The following STARD13 variants were observed in gnomAD, a reference collection of about 807,000 sequenced individuals.
STARD13 encodes StAR related lipid transfer domain containing 13.
STARD13 carries 62 observed loss-of-function variants against 106.4 expected under a neutral mutation model. The ratio of observed to expected loss-of-function variants is 0.58; its 90% CI spans 0.48 to 0.72. STARD13 has a LOEUF of 0.72. Ranked by LOEUF, STARD13 falls within the 30% of genes least tolerant of loss-of-function variation. STARD13 has a pLI of 0.00. For synonymous variants in STARD13, 565 were observed against 553.0 expected (o/e 1.02, Z -0.31); for missense variants, 1,387 against 1,424.0 (o/e 0.97, Z 0.42).
chr13:33,457,743 T>C, the STARD13 span, among the ~76,000 whole-genome samples: 2 of 152,322 alleles, frequency 1.3e-5, no homozygotes, highest in Non-Finnish European at 2.9e-5. Context: ...AGGGATCTTT[T>C]TGGGGCCTCT....
the STARD13 span, among the ~76,000 whole-genome samples, chr13:33,394,907 G>C: frequency 6.6e-6 from 1 of 152,234 alleles, no homozygotes; most frequent in Non-Finnish European, 1.5e-5. Context: ...AGTGATTTCA[G>C]AGTGATAGAG....
At chr13:33,140,817 G>A (rs1879723916) in intron 4 of STARD13, among the ~76,000 whole-genome samples, 1 of 149,128 alleles carries the variant, frequency 6.7e-6, no homozygotes, top group East Asian at 2.0e-4. Context: ...GGAGTGCAGT[G>A]GCACAATCTC....
At chr13:33,585,035 T>C in the STARD13 span, among the ~76,000 whole-genome samples, 1 of 152,186 alleles carries the variant, frequency 6.6e-6, no homozygotes, top group Admixed American at 6.5e-5. Flanking sequence ...CTTCATAATT[T>C]ATAAATTATC....
At chr13:33,519,583 C>T in the STARD13 span, among the ~76,000 whole-genome samples, 1 of 151,952 alleles carries the variant, frequency 6.6e-6, no homozygotes, top group Admixed American at 6.6e-5. Context: ...CAATCTCTTC[C>T]CCACTGCAAA....
At chr13:33,399,849 T>A in the STARD13 span, among the ~76,000 whole-genome samples, 31 of 152,106 alleles carry the variant, frequency 2.0e-4, no homozygotes, top group African/African-American at 7.2e-4. Flanking sequence ...GGTCAGTGAT[T>A]GCCTAGGGCT....
chr13:33,356,218 T>C, the STARD13 span, among the ~76,000 whole-genome samples: 2 of 152,236 alleles, frequency 1.3e-5, no homozygotes, highest in Admixed American at 6.5e-5. Context: ...TGACATCACT[T>C]GTGCTATCCT....
At chr13:33,642,677 A>T in the STARD13 span, among the ~76,000 whole-genome samples, 1 of 152,148 alleles carries the variant, frequency 6.6e-6, no homozygotes, top group Non-Finnish European at 1.5e-5. Context: ...GCCCTGAGTC[A>T]CACAGTCAGT....
chr13:33,305,130 G>A (rs1051401298), intron 1 of STARD13, among the ~76,000 whole-genome samples: 2 of 152,200 alleles, frequency 1.3e-5, no homozygotes, highest in African/African-American at 2.4e-5. Flanking sequence ...GGCTTCAAGT[G>A]ATCTTCTTGC....
At chr13:33,308,706 T>A (rs1315588073) in intron 1 of STARD13, among the ~76,000 whole-genome samples, 2 of 152,084 alleles carry the variant, frequency 1.3e-5, no homozygotes. Flanking sequence ...GTGTTTTTAG[T>A]AGAGACAACG....
the STARD13 span, among the ~76,000 whole-genome samples, chr13:33,363,720 C>T: frequency 6.6e-6 from 1 of 152,174 alleles, no homozygotes; most frequent in Non-Finnish European, 1.5e-5. Flanking sequence ...CACAAAGTAA[C>T]AGTTTTATTC....
intron 4 of STARD13, among the ~76,000 whole-genome samples, chr13:33,133,431 A>C (rs1164647378): frequency 6.6e-6 from 1 of 152,118 alleles, no homozygotes; most frequent in Non-Finnish European, 1.5e-5. Flanking sequence ...AAACAAACAA[A>C]AACCAAAGCA....
At chr13:33,143,396 G>T (rs1880103740) in intron 3 of STARD13, among the ~76,000 whole-genome samples, 1 of 149,796 alleles carries the variant, frequency 6.7e-6, no homozygotes, top group Admixed American at 6.7e-5. Flanking sequence ...TTTTTTGAGT[G>T]ACTGTTTTTT....
At chr13:33,439,693 A>C in the STARD13 span, 1 of 1,268,548 alleles carries the variant, frequency 7.9e-7, no homozygotes, top group Non-Finnish European at 1.0e-6. Context: ...AGACTTACCC[A>C]CTCTTTCTTT....
chr13:33,301,320 A>C (rs1463847104), intron 1 of STARD13, among the ~76,000 whole-genome samples: 2 of 152,224 alleles, frequency 1.3e-5, no homozygotes, highest in Non-Finnish European at 2.9e-5. Context: ...CATGAGGACC[A>C]GTGCCCTGAT....
At chr13:33,158,578 A>C (rs1447131118) in intron 3 of STARD13, 1 of 152,270 alleles carries the variant, frequency 6.6e-6, no homozygotes, top group Non-Finnish European at 1.5e-5. Context: ...ACAAAGCTTT[A>C]AAAATAAAAC....
At chr13:33,202,697 A>G (rs913492550) in intron 1 of STARD13, among the ~76,000 whole-genome samples, 13 of 152,242 alleles carry the variant, frequency 8.5e-5, no homozygotes, top group African/African-American at 3.1e-4. Context: ...TGCTTAAGGT[A>G]GCTTTGGAGG....
At chr13:33,477,661 T>C in the STARD13 span, among the ~76,000 whole-genome samples, 4 of 152,122 alleles carry the variant, frequency 2.6e-5, no homozygotes. Context: ...GAATTACAGG[T>C]GTCACATTTT....
At chr13:33,256,285 G>T (rs1260727746) in intron 1 of STARD13, among the ~76,000 whole-genome samples, 6 of 152,158 alleles carry the variant, frequency 3.9e-5, no homozygotes, top group African/African-American at 1.4e-4. Flanking sequence ...ACCCTCACTG[G>T]CTCGGCCTTC....
chr13:33,241,274 A>G (rs1484588041), intron 1 of STARD13, among the ~76,000 whole-genome samples: 1 of 152,194 alleles, frequency 6.6e-6, no homozygotes, highest in Non-Finnish European at 1.5e-5. Flanking sequence ...GTCAATAAAG[A>G]TAGAAACAAT....
Sources: gnomAD v4.1 joint callset for allele counts (sites outside exome capture counted in the v4.1 genomes callset) on GRCh38, gnomAD v4.1.1 for gene constraint, MANE v1.5 for transcripts, NCBI Gene and HGNC (gene_info 2026-07-23, HGNC 2026-07-21) for gene names.